LIMCH1: variants seen among roughly 807,000 people sequenced by gnomAD.
LIMCH1 encodes the protein LIM and calponin homology domains-containing protein 1.
LIMCH1 carries 113 observed loss-of-function variants against 176.5 expected under a neutral mutation model. That is an observed-to-expected ratio of 0.64 (90% CI 0.55 to 0.75). The LOEUF is 0.75. Among genes scored for constraint, LIMCH1 ranks in the 30% least tolerant of loss-of-function variants. The pLI is 0.00. For missense variants in LIMCH1, 1,674 were observed against 1,814.9 expected, an observed-to-expected ratio of 0.92 and a Z score of 1.41; for synonymous variants, 619 against 645.9, an observed-to-expected ratio of 0.96 and a Z score of 0.63.
chr4:41,469,973 C>T (rs1172693770), intron 1 of LIMCH1, among the ~76,000 whole-genome samples: 1 of 152,136 alleles, frequency 6.6e-6, no homozygotes, highest in Non-Finnish European at 1.5e-5. Flanking sequence ...AGCCACCATG[C>T]CTGGCCAAGA....
Position 41,676,363 on chromosome 4 carries a change from G to T in LIMCH1, c.3439-19G>T, listed in dbSNP as rs753035790. On this transcript the variant is annotated intron_variant, in intron 22 of 31. Coordinates refer to ENST00000503057, the MANE Select transcript of LIMCH1 (RefSeq NM_001330672.2). ...AGGACATGGCTCAATTCTGATCATG[G>T]TTTCATTTTTCTAAGCAGTTTAAGT... The T allele has an allele frequency of 8.1e-6, 13 of 1,607,782 alleles. No homozygotes were observed. The highest frequency in any genetic ancestry group is 8.0e-5 in the African/African-American group (6 of 74,790).
At position 41,559,563 on chromosome 4, in the gene LIMCH1, GT is replaced by G. The variant is rs560901579; in HGVS notation, c.-241+21215del. Among the ~76,000 whole-genome samples the G allele has an allele frequency of 2.2e-3, 339 of 152,072 alleles. 2 individuals are homozygous for G. Among genetic ancestry groups the G allele is most frequent in the African/African-American group, 7.9e-3 (326 of 41,466 alleles). ...TCATCCTCTTCTTCAGGTGCAACTCGTTGCAAAAATAGTCTCCATTTACATC... is the reference window on the plus strand; with the variant it reads ...TCATCCTCTTCTTCAGGTGCAACTCGTGCAAAAATAGTCTCCATTTACATC... On this transcript the variant is annotated intron_variant, in intron 1 of 31. Transcript: ENST00000503057.
chr4:41,468,865 T>C (rs2066538891), intron 1 of LIMCH1, among the ~76,000 whole-genome samples: 1 of 152,190 alleles, frequency 6.6e-6, no homozygotes, highest in Admixed American at 6.5e-5. Flanking sequence ...GGAATGTTTG[T>C]AAAGCTTTCT....
rs1464368416 is a variant in LIMCH1, at chr4:41,620,602, G to C, written c.637G>C (p.Glu213Gln). ...TGTGGTGGCACCAGCTCCCAAGTCT[G>C]AAGAAAAAGATGCTGCTGAGATCCA... The part of the protein sequence containing the change: ...GAVVAPAPKS[E>Q]EKDAAEIQKR... The change falls in exon 7 of 32, where the codon GAA (glutamate) becomes CAA (glutamine). Residue 213 changes from glutamate to glutamine, a missense_variant. Glu to Gln is a conservative substitution (Grantham distance 29). Transcript: ENST00000503057. The C allele has an allele frequency of 3.9e-6, 6 of 1,536,062 alleles. No individual in the cohort carries two copies. Among genetic ancestry groups the C allele is most frequent in the Non-Finnish European group, 5.2e-6 (6 of 1,146,934 alleles).
At chr4:41,426,145 C>CCAAG (rs1452265793) in intron 1 of LIMCH1, among the ~76,000 whole-genome samples, 1 of 150,252 alleles carries the variant, frequency 6.7e-6, no homozygotes, top group Non-Finnish European at 1.5e-5. Flanking sequence ...CCTCAGCCTC[C>CCAAG]CAAGTAGCTG....
At chr4:41,483,170 A>G (rs933759735) in intron 1 of LIMCH1, among the ~76,000 whole-genome samples, 1 of 152,184 alleles carries the variant, frequency 6.6e-6, no homozygotes, top group Non-Finnish European at 1.5e-5. Flanking sequence ...TAGGGATGAG[A>G]AGGGATAGGG....
At chr4:41,377,882 A>G (rs932127964) in intron 1 of LIMCH1, among the ~76,000 whole-genome samples, 2 of 152,186 alleles carry the variant, frequency 1.3e-5, no homozygotes, top group Non-Finnish European at 2.9e-5. Context: ...TAATTCATGA[A>G]TGAATTAATC....
intron 10 of LIMCH1, among the ~76,000 whole-genome samples, chr4:41,632,381 A>G (rs2093370028): frequency 6.6e-6 from 1 of 152,088 alleles, no homozygotes; most frequent in Non-Finnish European, 1.5e-5. Flanking sequence ...GTGACACCAT[A>G]GAAGAGAGAA....
intron 2 of LIMCH1, among the ~76,000 whole-genome samples, chr4:41,503,753 C>T (rs528169195): frequency 9.7e-4 from 148 of 152,222 alleles, no homozygotes; most frequent in Admixed American, 1.8e-3. Context: ...GGAGTGTTGC[C>T]GGAGAAAAGC....
intron 31 of LIMCH1, chr4:41,693,023 G>T (rs976884548): frequency 2.0e-5 from 3 of 152,256 alleles, no homozygotes; most frequent in Non-Finnish European, 4.4e-5. Flanking sequence ...CTCCTACTGT[G>T]GAAGGTGCAT....
chr4:41,468,996 CTTG>C (rs1254326295), intron 1 of LIMCH1, among the ~76,000 whole-genome samples: 2 of 152,176 alleles, frequency 1.3e-5, no homozygotes, highest in African/African-American at 2.4e-5. Flanking sequence ...CATCAGAGGA[CTTG>C]TTGTCATGAG....
intron 1 of LIMCH1, among the ~76,000 whole-genome samples, chr4:41,390,652 A>G (rs1581413544): frequency 6.6e-6 from 1 of 152,198 alleles, no homozygotes; most frequent in Non-Finnish European, 1.5e-5. Flanking sequence ...TTCATTGGAC[A>G]TTCCTAAAGT....
chr4:41,660,981 G>A (rs28558655), intron 18 of LIMCH1, among the ~76,000 whole-genome samples: 140 of 152,268 alleles, frequency 9.2e-4, no homozygotes, highest in African/African-American at 3.3e-3. Context: ...GAGAACTGCA[G>A]GCTAAAATCC....
chr4:41,529,454 G>T (rs570992250), intron 3 of LIMCH1, among the ~76,000 whole-genome samples: 1 of 152,202 alleles, frequency 6.6e-6, no homozygotes, highest in Non-Finnish European at 1.5e-5. Flanking sequence ...TTTTCCATGG[G>T]TCTGTAAGGA....
At chr4:41,444,691 G>A (rs2063093278) in intron 1 of LIMCH1, among the ~76,000 whole-genome samples, 1 of 152,194 alleles carries the variant, frequency 6.6e-6, no homozygotes, top group South Asian at 2.1e-4. Context: ...GGTTCCATCA[G>A]CCCTAAAGAG....
In LIMCH1 at chr4:41,661,468, G is replaced by A; in HGVS notation, c.3085G>A (p.Gly1029Ser). ...GAATAGTCAAGAGGACAAGAATGAT[G>A]GTGGAAAATCAAGAAAAGGGAATAT... ...EPNSQEDKND[G>S]GKSRKGNIEL... Residue 1029 changes from glycine (G) to serine (S), a missense_variant, in exon 19 of 32, where the codon GGT (glycine) becomes AGT (serine). Physicochemically the swap from Gly to Ser is moderately conservative, Grantham distance 56. Around this residue, in one of 3 missense-constraint regions of LIMCH1, gnomAD observed 1,015 missense variants for 1,102.5 expected, o/e 0.92. Coordinates refer to ENST00000503057, the MANE Select transcript of LIMCH1 (RefSeq NM_001330672.2). 1 of 1,612,930 alleles carries A rather than the reference G, an allele frequency of 6.2e-7. No individual in the cohort carries two copies. The highest frequency in any genetic ancestry group is 8.5e-7 in the Non-Finnish European group (1 of 1,179,622).
At chr4:41,423,300 A>G (rs2060785223) in intron 1 of LIMCH1, among the ~76,000 whole-genome samples, 1 of 152,236 alleles carries the variant, frequency 6.6e-6, no homozygotes, top group South Asian at 2.1e-4. Flanking sequence ...GACTACAGCT[A>G]TCCACAAATG....
At position 41,604,300 on chromosome 4, in the gene LIMCH1, T is replaced by C. The variant is rs115717338; in HGVS notation, c.-103+395T>C. 113 of 711,368 alleles carry C rather than the reference T, an allele frequency of 1.6e-4. No individual in the cohort carries two copies. The African/African-American group carries it at 2.1e-3, about 13-fold the overall frequency. The allele number at this position is 711,368 out of a possible 1,614,324, so 44.1% of individuals were successfully genotyped here. A position where few individuals can be genotyped will look rare whatever the true frequency, so the allele number is the denominator to read the frequency against. ...TAAGATCTGCACAATATGAATAGTG[T>C]TGACTGCCATGGGCCTATACTCTAT... On this transcript the variant is annotated intron_variant, in intron 3 of 31. Transcript: ENST00000503057.
intron 1 of LIMCH1, among the ~76,000 whole-genome samples, chr4:41,549,296 T>G (rs1162875177): frequency 6.6e-6 from 1 of 152,198 alleles, no homozygotes; most frequent in Non-Finnish European, 1.5e-5. Flanking sequence ...GCGCTTTATT[T>G]CTATTCTTTA....
Sources: allele counts gnomAD v4.1 joint callset (sites outside exome capture counted in the v4.1 genomes callset), GRCh38; gene constraint gnomAD v4.1.1; regional missense constraint gnomAD v4.1.1; transcripts MANE v1.5; gene names NCBI Gene and HGNC (gene_info 2026-07-23, HGNC 2026-07-21).